RBMS1: variants seen among roughly 807,000 people sequenced by gnomAD.
RBMS1 encodes the protein RNA-binding motif, single-stranded-interacting protein 1.
RBMS1 carries 17 observed loss-of-function variants against 62.3 expected under a neutral mutation model. That is an observed-to-expected ratio of 0.27 (90% CI 0.19 to 0.41). The LOEUF (loss-of-function observed/expected upper bound fraction) is 0.41. Ranked by LOEUF, RBMS1 falls within the 10% of genes least tolerant of loss-of-function variation. RBMS1 has a pLI of 1.00. For missense variants in RBMS1, 334 were observed against 504.5 expected (o/e 0.66, Z 3.24); for synonymous variants, 172 against 170.0 (o/e 1.01, Z -0.09).
intron 1 of RBMS1, among the ~76,000 whole-genome samples, chr2:160,372,785 A>G (rs1693795694): frequency 6.6e-6 from 1 of 152,246 alleles, no homozygotes; most frequent in Non-Finnish European, 1.5e-5. Context: ...AAACAAAACT[A>G]AATGTGGGAG....
At chr2:160,482,581 T>C (rs900212588) in intron 1 of RBMS1, among the ~76,000 whole-genome samples, 1 of 152,190 alleles carries the variant, frequency 6.6e-6, no homozygotes, top group Non-Finnish European at 1.5e-5. Flanking sequence ...AACTAGATGA[T>C]TTTTAGAATA....
chr2:160,443,859 G>T (rs950556343), intron 1 of RBMS1, among the ~76,000 whole-genome samples: 2 of 152,110 alleles, frequency 1.3e-5, no homozygotes, highest in African/African-American at 4.8e-5. Flanking sequence ...AATGAATTAG[G>T]CCACTCTACT....
At chr2:160,464,128 C>T (rs1055391237) in intron 1 of RBMS1, among the ~76,000 whole-genome samples, 2 of 152,068 alleles carry the variant, frequency 1.3e-5, no homozygotes, top group East Asian at 3.9e-4. Context: ...TGCCACACCA[C>T]GACTCCCCAC....
At chr2:160,383,453 T>TGG (rs1553518103) in intron 1 of RBMS1, among the ~76,000 whole-genome samples, 9 of 75,000 alleles carry the variant, frequency 1.2e-4, no homozygotes, top group South Asian at 3.5e-4. Flanking sequence ...AGACATGAAT[T>TGG]GGGGGGGGGG....
intron 7 of RBMS1, 93 bp downstream of exon 7, chr2:160,286,876 C>A: frequency 6.3e-7 from 1 of 1,590,476 alleles, no homozygotes; most frequent in Non-Finnish European, 8.6e-7. Flanking sequence ...AAGTGTGCAG[C>A]CAAGTCAAGA....
chr2:160,311,228 C>CTATATATATCTATATATATCTATATA (rs1252861710), intron 4 of RBMS1, among the ~76,000 whole-genome samples: 1 of 95,942 alleles, frequency 1.0e-5, no homozygotes, highest in Admixed American at 1.4e-4. Flanking sequence ...ATCTATCTAT[C>CTATATATATCTATATATATCTATATA]TATCTATATA....
intron 1 of RBMS1, among the ~76,000 whole-genome samples, chr2:160,457,430 C>A (rs1170477808): frequency 6.6e-6 from 1 of 152,102 alleles, no homozygotes; most frequent in Non-Finnish European, 1.5e-5. Context: ...GCGCGGTATC[C>A]TCATTTTGAA....
intron 1 of RBMS1, among the ~76,000 whole-genome samples, chr2:160,466,382 A>C (rs1684691437): frequency 1.3e-5 from 2 of 152,168 alleles, no homozygotes; most frequent in Non-Finnish European, 2.9e-5. Flanking sequence ...ATGCTTTGCC[A>C]AACTCTAGTT....
chr2:160,342,769 C>CA (rs550170417), intron 2 of RBMS1, among the ~76,000 whole-genome samples: 2,008 of 117,314 alleles, frequency 0.017, 43 homozygotes, highest in African/African-American at 0.053. Flanking sequence ...ATACAAAATA[C>CA]AAAAAAAAAA....
At chr2:160,309,527 C>A (rs1401715619) in intron 4 of RBMS1, among the ~76,000 whole-genome samples, 1 of 152,106 alleles carries the variant, frequency 6.6e-6, no homozygotes. Flanking sequence ...GGAAGAAATT[C>A]CAGCAGAAAG....
At chr2:160,308,018 A>C (rs1311412406) in intron 4 of RBMS1, among the ~76,000 whole-genome samples, 1 of 152,216 alleles carries the variant, frequency 6.6e-6, no homozygotes, top group Admixed American at 6.5e-5. Context: ...AATATATGGC[A>C]ATATGAATTT....
At chr2:160,392,831 G>A (rs1049235690) in intron 1 of RBMS1, among the ~76,000 whole-genome samples, 3 of 151,972 alleles carry the variant, frequency 2.0e-5, no homozygotes, top group African/African-American at 7.3e-5. Flanking sequence ...GGTTGAGGCT[G>A]CAATAAGACA....
At chr2:160,465,146 A>G (rs1684633212) in intron 1 of RBMS1, among the ~76,000 whole-genome samples, 1 of 152,248 alleles carries the variant, frequency 6.6e-6, no homozygotes, top group African/African-American at 2.4e-5. Flanking sequence ...CCAAAGAGAC[A>G]GATTAATTGG....
intron 1 of RBMS1, among the ~76,000 whole-genome samples, chr2:160,385,593 G>C (rs185372947): frequency 6.6e-6 from 1 of 152,026 alleles, no homozygotes; most frequent in South Asian, 2.1e-4. Context: ...TTTGGGTCAG[G>C]GCCCCACTTT....
At chr2:160,305,459 G>A (rs1012567545) in intron 4 of RBMS1, among the ~76,000 whole-genome samples, 1 of 152,162 alleles carries the variant, frequency 6.6e-6, no homozygotes, top group Non-Finnish European at 1.5e-5. Context: ...TAGCCTAAGA[G>A]CAAGAGGCTA....
chr2:160,415,056 A>G (rs984341179), intron 1 of RBMS1, among the ~76,000 whole-genome samples: 4 of 152,086 alleles, frequency 2.6e-5, no homozygotes, highest in Admixed American at 6.6e-5. Context: ...TTTTTCATAT[A>G]TTGTGAATTG....
chr2:160,411,927 A>G (rs1696056026), intron 1 of RBMS1, among the ~76,000 whole-genome samples: 1 of 152,236 alleles, frequency 6.6e-6, no homozygotes. Context: ...AAGGTTGTGT[A>G]TACTGCAGAT....
At chr2:160,396,849 C>T (rs1275152334) in intron 1 of RBMS1, among the ~76,000 whole-genome samples, 1 of 152,160 alleles carries the variant, frequency 6.6e-6, no homozygotes. Context: ...AGGCGTGAGC[C>T]ACCGCGCCCA....
chr2:160,387,170 A>G (rs1011789947), intron 1 of RBMS1, among the ~76,000 whole-genome samples: 8 of 152,152 alleles, frequency 5.3e-5, no homozygotes, highest in Non-Finnish European at 1.2e-4. Flanking sequence ...CAATAGCCCT[A>G]TATATGGTTG....
Sources: gnomAD v4.1 joint callset for allele counts (sites outside exome capture counted in the v4.1 genomes callset) on GRCh38, gnomAD v4.1.1 for gene constraint, MANE v1.5 for transcripts, NCBI Gene and HGNC (gene_info 2026-07-23, HGNC 2026-07-21) for gene names.